LRRC18: variants seen among roughly 807,000 people sequenced by gnomAD.
LRRC18 encodes leucine-rich repeat-containing protein 18.
LRRC18 carries 12 observed loss-of-function variants against 11.2 expected under a neutral mutation model. That is an observed-to-expected ratio of 1.07 (90% CI 0.69 to 1.74). The LOEUF (loss-of-function observed/expected upper bound fraction) is 1.74. Ranked by LOEUF, LRRC18 falls within the 40% of genes most tolerant of loss-of-function variation. The pLI is 0.00. For synonymous variants in LRRC18, 155 were observed against 130.6 expected, an observed-to-expected ratio of 1.19 and a Z score of -1.27; for missense variants, 374 against 330.5, an observed-to-expected ratio of 1.13 and a Z score of -1.02.
chr10:48,929,546 C>G, the LRRC18 span, among the ~76,000 whole-genome samples: 1 of 152,324 alleles, frequency 6.6e-6, no homozygotes, highest in Admixed American at 6.5e-5. Context: ...CTCCTCTTCT[C>G]TGCCTATACT....
At chr10:48,909,985 T>A (rs1837853536) in exon 2 of LRRC18, 5 of 525,774 alleles carry the variant, frequency 9.5e-6, no homozygotes, top group Admixed American at 3.2e-5. Flanking sequence ...GTAATTTTCT[T>A]AAATTTTTTT....
the LRRC18 span, among the ~76,000 whole-genome samples, chr10:48,938,472 C>A: frequency 3.9e-5 from 6 of 152,266 alleles, no homozygotes; most frequent in African/African-American, 1.4e-4. Context: ...CCACAGGCTG[C>A]TCTGCCAGCC....
chr10:48,931,664 G>T, the LRRC18 span, among the ~76,000 whole-genome samples: 4 of 152,222 alleles, frequency 2.6e-5, no homozygotes, highest in African/African-American at 9.6e-5. Flanking sequence ...CTCATTGCTT[G>T]CATGGAAGGC....
the LRRC18 span, among the ~76,000 whole-genome samples, chr10:48,933,187 G>A: frequency 2.6e-5 from 4 of 152,162 alleles, no homozygotes; most frequent in Non-Finnish European, 4.4e-5. Flanking sequence ...TGTATATGTG[G>A]ACCAGGCAAC....
the LRRC18 span, chr10:48,935,274 G>A: frequency 6.6e-6 from 1 of 152,222 alleles, no homozygotes; most frequent in Admixed American, 6.5e-5. Flanking sequence ...CTTGACACCA[G>A]CCTGCAAAGT....
the LRRC18 span, among the ~76,000 whole-genome samples, chr10:48,927,096 G>A: frequency 6.6e-6 from 1 of 152,198 alleles, no homozygotes; most frequent in Non-Finnish European, 1.5e-5. Flanking sequence ...AGGGGCGGCT[G>A]TATGCAGACT....
the LRRC18 span, among the ~76,000 whole-genome samples, chr10:48,937,211 G>A: frequency 4.6e-5 from 7 of 152,182 alleles, no homozygotes; most frequent in South Asian, 4.2e-4. Context: ...GATTTTTAAC[G>A]TATGTACAGC....
chr10:48,913,427 G>A (rs147406722), exon 1 of LRRC18: 285 of 1,612,936 alleles, frequency 1.8e-4, no homozygotes, highest in Non-Finnish European at 2.1e-4. Context: ...CCATGGAATT[G>A]GGTGAGATCA....
the LRRC18 span, among the ~76,000 whole-genome samples, chr10:48,920,570 T>C: frequency 6.6e-6 from 1 of 152,116 alleles, no homozygotes; most frequent in Non-Finnish European, 1.5e-5. Flanking sequence ...TCATACTTCG[T>C]GAAGGACAGA....
At chr10:48,915,155 G>A (rs959101696), upstream of LRRC18, among the ~76,000 whole-genome samples, 1 of 152,120 alleles carries the variant, frequency 6.6e-6, no homozygotes, top group Non-Finnish European at 1.5e-5. Flanking sequence ...AGCTATGAGG[G>A]GGCGTAAATT....
At chr10:48,914,590 C>T (rs1166687133), upstream of LRRC18, among the ~76,000 whole-genome samples, 1 of 152,296 alleles carries the variant, frequency 6.6e-6, no homozygotes, top group South Asian at 2.1e-4. Flanking sequence ...TTCCTAGACC[C>T]CTGCATTAAG....
the LRRC18 span, among the ~76,000 whole-genome samples, chr10:48,923,477 A>G: frequency 2.4e-5 from 2 of 83,726 alleles, no homozygotes; most frequent in Non-Finnish European, 5.2e-5. Context: ...AGCTTCAGGT[A>G]AACAACAAAT....
chr10:48,934,543 T>A, the LRRC18 span, among the ~76,000 whole-genome samples: 1 of 152,208 alleles, frequency 6.6e-6, no homozygotes, highest in Non-Finnish European at 1.5e-5. Context: ...GTGTGTCCCA[T>A]GAAGAATCCC....
At chr10:48,923,939 G>T in the LRRC18 span, among the ~76,000 whole-genome samples, 96,418 of 152,078 alleles carry the variant, frequency 0.63, 31,254 homozygotes, top group East Asian at 1. Flanking sequence ...CAGCTGTGCC[G>T]GTTGCCCACA....
the LRRC18 span, among the ~76,000 whole-genome samples, chr10:48,939,472 T>C: frequency 1.3e-5 from 2 of 152,196 alleles, no homozygotes; most frequent in African/African-American, 4.8e-5. Flanking sequence ...GATCCAGGTG[T>C]CCCTGACTTC....
chr10:48,932,910 C>T, the LRRC18 span, among the ~76,000 whole-genome samples: 1 of 152,044 alleles, frequency 6.6e-6, no homozygotes, highest in Admixed American at 6.6e-5. Flanking sequence ...AGGGTGTAAG[C>T]TGGAGGTCAA....
At chr10:48,919,306 T>G in the LRRC18 span, among the ~76,000 whole-genome samples, 1 of 152,066 alleles carries the variant, frequency 6.6e-6, no homozygotes, top group South Asian at 2.1e-4. Flanking sequence ...GGAACTTAGA[T>G]AAGATCAACT....
At chr10:48,937,013 G>A in the LRRC18 span, among the ~76,000 whole-genome samples, 4 of 151,514 alleles carry the variant, frequency 2.6e-5, no homozygotes, top group South Asian at 2.1e-4. Context: ...TTCACCTCCC[G>A]GGTTCGAGTA....
chr10:48,932,829 G>A, the LRRC18 span, among the ~76,000 whole-genome samples: 13 of 152,274 alleles, frequency 8.5e-5, no homozygotes, highest in Admixed American at 2.6e-4. Flanking sequence ...CTGAGAAAGC[G>A]ACATCTGAGC....
Sources: allele counts gnomAD v4.1 joint callset (sites outside exome capture counted in the v4.1 genomes callset), GRCh38; gene constraint gnomAD v4.1.1; transcripts MANE v1.5; gene names NCBI Gene and HGNC (gene_info 2026-07-23, HGNC 2026-07-21).